The following STK32B variants were observed in gnomAD, a reference collection of about 807,000 sequenced individuals.
The protein encoded by STK32B is serine/threonine-protein kinase 32B.
A neutral mutation model predicts 52.6 loss-of-function variants in STK32B; 43 were observed. That is an observed-to-expected ratio of 0.82 (90% CI 0.64 to 1.05). The LOEUF (loss-of-function observed/expected upper bound fraction) is 1.05. Ranked by LOEUF, STK32B falls within the 50% of genes least tolerant of loss-of-function variation. STK32B has a pLI of 0.00. For synonymous variants in STK32B, 238 were observed against 204.3 expected, an observed-to-expected ratio of 1.17 and a Z score of -1.41; for missense variants, 621 against 534.6, an observed-to-expected ratio of 1.16 and a Z score of -1.59.
chr4:5,276,755 G>A (rs916748780), intron 3 of STK32B, among the ~76,000 whole-genome samples: 5 of 152,012 alleles, frequency 3.3e-5, no homozygotes, highest in South Asian at 2.1e-4. Flanking sequence ...GGGAAATGCC[G>A]CTCAGAAACA....
At chr4:5,114,677 C>T (rs1279036539) in intron 1 of STK32B, among the ~76,000 whole-genome samples, 1 of 152,150 alleles carries the variant, frequency 6.6e-6, no homozygotes, top group African/African-American at 2.4e-5. Context: ...TTGTTCAGTT[C>T]AGATCTTTTC....
Position 5,125,214 on chromosome 4 carries a change from G to A in STK32B, c.53-14691G>A, listed in dbSNP as rs549331469. Among the ~76,000 whole-genome samples, 281 of 120,838 alleles carry A rather than the reference G, an allele frequency of 2.3e-3. 1 individual carries two copies. Among genetic ancestry groups the A allele is most frequent in the African/African-American group, 6.4e-3 (252 of 39,088 alleles). The allele number at this position is 120,838 out of a possible 152,430, so 79.3% of individuals were successfully genotyped here. On this transcript the variant is annotated intron_variant, in intron 1 of 11. Transcript: ENST00000282908. ...GCAGCTTGGTCAACACCTTGATGTT[G>A]GTCTTCTGATACCTTAAACAGAGAA...
chr4:5,032,176 A>AG, the STK32B span, among the ~76,000 whole-genome samples: 9 of 151,184 alleles, frequency 6.0e-5, no homozygotes, highest in African/African-American at 1.7e-4. Context: ...CTAGAAAGAA[A>AG]AAAAAAAAAA....
Position 5,460,342 on chromosome 4 carries a change from A to C in STK32B, c.909+114A>C. The C allele has an allele frequency of 6.8e-7, 1 of 1,462,522 alleles. No individual in the cohort carries two copies. Among genetic ancestry groups the C allele is most frequent in the Non-Finnish European group, 9.2e-7 (1 of 1,090,184 alleles). 90.6% of individuals were successfully genotyped at this position (1,462,522 alleles called of 1,614,324 possible). On this transcript the variant is annotated intron_variant, in intron 9 of 11. Coordinates refer to ENST00000282908, the MANE Select transcript of STK32B (RefSeq NM_018401.3). The surrounding 1 kb of genome is among the most constrained non-coding windows in gnomAD (Gnocchi z 4.8). ...GCCCTCTGCTGGCCACTTCCACCTG[A>C]GCACCAAGGGCTTATGTCTTGCTGG...
rs1455987039 is a variant in STK32B, at chr4:5,471,014, CCAT to C, written c.1106+2947_1106+2949del. ...CTCCTTTCAATCTCTGCAGACCTGG[CCAT>C]CAGCCTGACACCAGTTGCTCCTGCA... is the stretch of plus-strand genomic sequence containing the variant. On this transcript the variant is annotated intron_variant, in intron 11 of 11. Coordinates refer to ENST00000282908, the MANE Select transcript of STK32B (RefSeq NM_018401.3). 5.9e-5 allele frequency among the ~76,000 whole-genome samples: 9 copies of C among 152,322 alleles called. No homozygotes were observed. In the East Asian group the frequency reaches 1.7e-3, roughly 30 times the overall value.
intron 6 of STK32B, among the ~76,000 whole-genome samples, chr4:5,417,682 T>C (rs1712275487): frequency 6.6e-6 from 1 of 152,260 alleles, no homozygotes; most frequent in Non-Finnish European, 1.5e-5. Flanking sequence ...TCTTATATAA[T>C]TTTGTTAATA....
intron 1 of STK32B, among the ~76,000 whole-genome samples, chr4:5,123,883 T>C (rs1269403751): frequency 6.6e-6 from 1 of 152,156 alleles, no homozygotes. Context: ...CTCCTCATCC[T>C]CATGTCATTT....
chr4:5,298,179 G>T (rs1729327724), intron 3 of STK32B, among the ~76,000 whole-genome samples: 1 of 152,276 alleles, frequency 6.6e-6, no homozygotes, highest in South Asian at 2.1e-4. Flanking sequence ...AGGGCCACCG[G>T]CCAGATGTCA....
chr4:5,254,666 G>T (rs1577252027), intron 3 of STK32B, among the ~76,000 whole-genome samples: 1 of 152,216 alleles, frequency 6.6e-6, no homozygotes, highest in African/African-American at 2.4e-5. Context: ...AACATTTGGA[G>T]ATTGTTTAGC....
chr4:5,100,791 T>TTTTCCTTCCCTGCTCTTTCTTTC (rs373087561), intron 1 of STK32B, among the ~76,000 whole-genome samples: 1 of 39,628 alleles, frequency 2.5e-5, no homozygotes, highest in Non-Finnish European at 4.5e-5. Context: ...TTCCTTCCTT[T>TTTTCCTTCCCTGCTCTTTCTTTC]ATTCCTTCCC....
intron 11 of STK32B, among the ~76,000 whole-genome samples, chr4:5,497,891 G>GGAAAGAAACATACTAGTTTTAA (rs1227257136): frequency 5.9e-5 from 9 of 152,008 alleles, no homozygotes; most frequent in Non-Finnish European, 1.2e-4. Flanking sequence ...GCACTCTGTT[G>GGAAAGAAACATACTAGTTTTAA]GAAAGAAACA....
At chr4:5,054,353 G>A (rs748655388) in intron 1 of STK32B, among the ~76,000 whole-genome samples, 1 of 152,114 alleles carries the variant, frequency 6.6e-6, no homozygotes, top group South Asian at 2.1e-4. Context: ...TCAGAGTGGG[G>A]GGAGGGATCT....
chr4:5,246,218 C>T (rs771803408), intron 3 of STK32B, among the ~76,000 whole-genome samples: 6 of 152,186 alleles, frequency 3.9e-5, no homozygotes, highest in Non-Finnish European at 7.3e-5. Flanking sequence ...ACCAATGAGA[C>T]GTAGATTTGG....
At chr4:5,328,799 C>T (rs1732039179) in intron 3 of STK32B, among the ~76,000 whole-genome samples, 1 of 152,150 alleles carries the variant, frequency 6.6e-6, no homozygotes. Context: ...AAGTGAAGTG[C>T]AGTAAAACAA....
At chr4:5,215,134 A>G (rs11734547) in intron 3 of STK32B, among the ~76,000 whole-genome samples, 14,492 of 152,292 alleles carry the variant, frequency 0.095, 887 homozygotes, top group Non-Finnish European at 0.13. Context: ...TTCTCTGGGA[A>G]CAAACAATGA....
At chr4:5,371,272 C>G (rs1384291345) in intron 4 of STK32B, among the ~76,000 whole-genome samples, 1 of 152,018 alleles carries the variant, frequency 6.6e-6, no homozygotes, top group Admixed American at 6.6e-5. Flanking sequence ...GATAAACTGA[C>G]TTAACAGGAT....
intron 6 of STK32B, among the ~76,000 whole-genome samples, chr4:5,431,489 C>T (rs565799495): frequency 3.6e-4 from 52 of 143,686 alleles, no homozygotes; most frequent in Non-Finnish European, 6.9e-4. Context: ...CATCATTTCT[C>T]CATGAAAACT....
intron 1 of STK32B, among the ~76,000 whole-genome samples, chr4:5,057,659 A>G (rs1384470818): frequency 6.6e-6 from 1 of 152,176 alleles, no homozygotes; most frequent in African/African-American, 2.4e-5. Flanking sequence ...GAAGGGTTTA[A>G]ATGCCTCAAG....
intron 4 of STK32B, among the ~76,000 whole-genome samples, chr4:5,337,219 G>A (rs1436936258): frequency 6.6e-6 from 1 of 151,592 alleles, no homozygotes; most frequent in Non-Finnish European, 1.5e-5. Context: ...ATACTCCTGA[G>A]CTCAAGCAGT....
Sources: gnomAD v4.1 joint callset for allele counts (sites outside exome capture counted in the v4.1 genomes callset) on GRCh38, gnomAD v4.1.1 for gene constraint, Gnocchi (gnomAD v3.1) non-coding constraint, MANE v1.5 for transcripts, NCBI Gene and HGNC (gene_info 2026-07-23, HGNC 2026-07-21) for gene names.